TTC21B: variants seen among roughly 807,000 people sequenced by gnomAD.
TTC21B encodes the protein tetratricopeptide repeat protein 21B.
TTC21B carries 127 observed loss-of-function variants against 175.1 expected under a neutral mutation model. That is an observed-to-expected ratio of 0.73 (90% confidence interval 0.63 to 0.84). TTC21B has a LOEUF of 0.84. TTC21B is among the 40% of genes least tolerant of loss of function. The pLI, the probability that TTC21B is intolerant of heterozygous loss-of-function variation, is 0.00. For synonymous variants in TTC21B, 524 were observed against 524.5 expected (o/e 1.00, Z 0.01); for missense variants, 1,561 against 1,558.3 (o/e 1.00, Z -0.03).
intron 3 of TTC21B, chr2:165,948,138 T>TA (rs565709580): frequency 9.0e-4 from 137 of 152,298 alleles, no homozygotes; most frequent in African/African-American, 3.0e-3. Context: ...CTCTGGCCAA[T>TA]ACTCTTCATA....
intron 19 of TTC21B, among the ~76,000 whole-genome samples, chr2:165,903,859 T>C (rs530288677): frequency 5.9e-5 from 9 of 152,334 alleles, no homozygotes; most frequent in East Asian, 5.8e-4. Context: ...ACTCCACTTA[T>C]AGGTTTCTGT....
chr2:165,890,867 T>C lies in TTC21B; in HGVS notation c.3072A>G (p.Gly1024=). 6.2e-7 allele frequency: 1 copy of C among 1,613,512 alleles called. No homozygotes were observed. The highest frequency in any genetic ancestry group is 8.5e-7 in the Non-Finnish European group (1 of 1,179,646). Residue 1024 remains glycine (G), a synonymous_variant, in exon 23 of 29, where the codon GGA becomes GGG. Transcript: ENST00000243344. ...KRNSRAKLEP[G]FQYCKGLYLW... ...GATACAGTCCTTTACAATACTGAAA[T>C]CCTGGTTCCAATTTTGCTCTGGAGT...
At chr2:165,910,358 G>A (rs1054433853) in intron 18 of TTC21B, among the ~76,000 whole-genome samples, 2 of 151,924 alleles carry the variant, frequency 1.3e-5, no homozygotes, top group South Asian at 2.1e-4. Context: ...AGCTGAGATC[G>A]TGCCATTGCA....
At chr2:165,952,694 A>G (rs1687795613) in intron 1 of TTC21B, among the ~76,000 whole-genome samples, 8 of 152,226 alleles carry the variant, frequency 5.3e-5, no homozygotes. Context: ...AACAGAGGAT[A>G]ATGTAAAACT....
intron 26 of TTC21B, 146 bp from the exon 27 acceptor site, chr2:165,880,945 T>A: frequency 1.3e-6 from 1 of 790,684 alleles, no homozygotes; most frequent in Non-Finnish European, 2.0e-6. Flanking sequence ...GCAATCAAAT[T>A]TTTTACTGAA....
At chr2:165,940,653 C>G (rs1363198187) in intron 6 of TTC21B, among the ~76,000 whole-genome samples, 4 of 152,170 alleles carry the variant, frequency 2.6e-5, no homozygotes, top group Non-Finnish European at 4.4e-5. Flanking sequence ...TAAGATTGAA[C>G]CCCTCAACAC....
chr2:165,916,320 C>T (rs1222959574), intron 14 of TTC21B, among the ~76,000 whole-genome samples: 1 of 152,152 alleles, frequency 6.6e-6, no homozygotes, highest in African/African-American at 2.4e-5. Context: ...TTTAGAAATA[C>T]AGCCTTCTTA....
At position 165,929,236 on chromosome 2, in the gene TTC21B, G is replaced by T; in HGVS notation, c.1285C>A (p.Gln429Lys). Reference sequence around the variant, plus strand: ...ATGCCAAGAGGCAAACCTTCTAATTGTGAAAAGTGAGTGTCCAGGACATCA... The same window carrying T: ...ATGCCAAGAGGCAAACCTTCTAATTTTGAAAAGTGAGTGTCCAGGACATCA... ...LNDVLDTHFSQLEGLPLGIQY... is the reference protein window; with the variant it reads ...LNDVLDTHFSKLEGLPLGIQY... The change falls in exon 11 of 29, where the codon CAA becomes AAA. Residue 429 changes from glutamine to lysine, a missense_variant. By Grantham distance (53) the Gln-to-Lys change is moderately conservative. Transcript: ENST00000243344. 4 of 1,612,946 alleles carry T rather than the reference G, an allele frequency of 2.5e-6. No individual in the cohort carries two copies. Among genetic ancestry groups the T allele is most frequent in the Non-Finnish European group, 2.5e-6 (3 of 1,179,300 alleles).
intron 26 of TTC21B, among the ~76,000 whole-genome samples, chr2:165,883,198 CTT>C (rs1684892748): frequency 6.6e-6 from 1 of 151,964 alleles, no homozygotes. Flanking sequence ...AAAAATAAAT[CTT>C]AACTTTAAAG....
chr2:165,889,365 T>A (rs1057476589), intron 24 of TTC21B, among the ~76,000 whole-genome samples: 1 of 152,182 alleles, frequency 6.6e-6, no homozygotes, highest in Non-Finnish European at 1.5e-5. Context: ...ACCCCTTAAA[T>A]GTTAGCAAGC....
chr2:165,878,360 G>A (rs992856208), intron 27 of TTC21B, among the ~76,000 whole-genome samples: 7 of 152,158 alleles, frequency 4.6e-5, no homozygotes, highest in Non-Finnish European at 1.0e-4. Flanking sequence ...GAGACAGCGA[G>A]AGAATGCAAA....
rs776834721 is a variant in TTC21B at position 165,883,984 on chromosome 2, G to T, written c.3494C>A (p.Thr1165Lys). 1.9e-6 allele frequency: 3 copies of T among 1,614,048 alleles called. No individual in the cohort carries two copies. The South Asian group carries it at 3.3e-5, about 18-fold the overall frequency. The part of the protein sequence containing the change: ...EHIPALLGMA[T>K]AYMILKQTPR... ...AGTCTGTTTCAAGATCATATAAGCC[G>T]TTGCCATTCCCAAGAGCGCTGGGAT... is the stretch of plus-strand genomic sequence containing the variant. Residue 1165 changes from threonine (T) to lysine (K), a missense_variant, in exon 26 of 29, where the codon ACG (threonine) becomes AAG (lysine). Coordinates refer to ENST00000243344, the MANE Select transcript of TTC21B (RefSeq NM_024753.5).
chr2:165,879,272 C>T (rs1390194362), intron 27 of TTC21B, among the ~76,000 whole-genome samples: 2 of 152,144 alleles, frequency 1.3e-5, no homozygotes, highest in African/African-American at 2.4e-5. Flanking sequence ...TATGTGCATT[C>T]CTTCTATGGA....
chr2:165,917,598 C>T, intron 13 of TTC21B, 117 bp from the exon 14 acceptor site: 2 of 839,008 alleles, frequency 2.4e-6, no homozygotes, highest in Non-Finnish European at 3.9e-6. Flanking sequence ...TGATTGTATG[C>T]ATGAGGTCTA....
chr2:165,897,112 C>A (rs1293377338), intron 22 of TTC21B, among the ~76,000 whole-genome samples: 1 of 152,038 alleles, frequency 6.6e-6, no homozygotes, highest in Admixed American at 6.6e-5. Flanking sequence ...AACCGCCACA[C>A]CAGTCCCTAC....
At chr2:165,952,524 C>T (rs1157962561) in intron 1 of TTC21B, among the ~76,000 whole-genome samples, 1 of 152,138 alleles carries the variant, frequency 6.6e-6, no homozygotes, top group African/African-American at 2.4e-5. Context: ...TGAAAAGCCT[C>T]ATATTAAGTA....
At chr2:165,927,438 T>A (rs1397347758) in intron 11 of TTC21B, among the ~76,000 whole-genome samples, 1 of 146,000 alleles carries the variant, frequency 6.8e-6, no homozygotes, top group Admixed American at 7.2e-5. Context: ...GACCACTGTA[T>A]CTAAAATCGC....
At chr2:165,912,805 AG>A (rs1212418281) in intron 16 of TTC21B, among the ~76,000 whole-genome samples, 181 bp from the exon 17 acceptor site, 1 of 152,236 alleles carries the variant, frequency 6.6e-6, no homozygotes, top group Non-Finnish European at 1.5e-5. Flanking sequence ...AGGTATGGAT[AG>A]GTATAATTTA....
rs557266490 is a variant in TTC21B, at chr2:165,926,153, A to G, written c.1387-1475T>C. ...GAAAACAGTATCACATATGCTGATT[A>G]CTTTCTATCATGCTGGTAAAGGAAA... On this transcript the variant is annotated intron_variant, in intron 11 of 28. Transcript: ENST00000243344. Among the ~76,000 whole-genome samples, 17 of 152,328 alleles carry G rather than the reference A, an allele frequency of 1.1e-4. 1 individual carries two copies. In the East Asian group the frequency reaches 3.3e-3, roughly 29 times the overall value.
Sources: gnomAD v4.1 joint callset for allele counts (sites outside exome capture counted in the v4.1 genomes callset) on GRCh38, gnomAD v4.1.1 for gene constraint, MANE v1.5 for transcripts, NCBI Gene and HGNC (gene_info 2026-07-23, HGNC 2026-07-21) for gene names.